The following DMD variants were observed in gnomAD, a reference collection of about 807,000 sequenced individuals.
DMD encodes dystrophin, also known as mutant dystrophin.
A neutral mutation model predicts 330.1 loss-of-function variants in DMD; 63 were observed. The observed-to-expected ratio is 0.19, with a 90% CI of 0.16 to 0.24. The LOEUF (loss-of-function observed/expected upper bound fraction) is 0.24. Ranked by LOEUF, DMD falls within the 10% of genes least tolerant of loss-of-function variation. DMD has a pLI of 1.00. For synonymous variants in DMD, 1,223 were observed against 959.8 expected, an observed-to-expected ratio of 1.27 and a Z score of -5.07; for missense variants, 3,344 against 2,684.1, an observed-to-expected ratio of 1.25 and a Z score of -5.43.
chrX:32,997,904 TC>T (rs1444444030), intron 2 of DMD, among the ~76,000 whole-genome samples: 1 of 112,269 alleles, frequency 8.9e-6, no homozygotes, highest in Non-Finnish European at 1.9e-5. Context: ...AGGGTCCTTT[TC>T]CCTTGTCTTG....
intron 1 of DMD, among the ~76,000 whole-genome samples, chrX:33,273,437 C>T (rs2053190943): frequency 8.9e-6 from 1 of 112,153 alleles, no homozygotes; most frequent in Non-Finnish European, 1.9e-5. Context: ...TACATATAAA[C>T]ATTTAGAAAA....
intron 2 of DMD, among the ~76,000 whole-genome samples, chrX:32,949,037 T>C (rs1414818184): frequency 2.7e-5 from 3 of 111,009 alleles, no homozygotes; most frequent in Non-Finnish European, 5.7e-5. Flanking sequence ...TGATGTTCTG[T>C]TTGCTCGTCA....
intron 74 of DMD, among the ~76,000 whole-genome samples, chrX:31,148,153 T>A (rs949140384): frequency 8.9e-6 from 1 of 111,847 alleles, no homozygotes; most frequent in Admixed American, 9.5e-5. Context: ...AGTGTTACCA[T>A]GAATGTATCA....
At chrX:31,679,256 G>T in intron 53 of DMD, 119 bp downstream of exon 53, 2 of 675,884 alleles carry the variant, frequency 3.0e-6, no homozygotes, top group Non-Finnish European at 4.5e-6. Context: ...GTTCATTTCA[G>T]CTTTAACGTG....
chrX:31,369,173 A>G (rs73617078), intron 60 of DMD, among the ~76,000 whole-genome samples: 3,643 of 112,410 alleles, frequency 0.032, 148 homozygotes, highest in African/African-American at 0.11. Context: ...CTTAGGTCCC[A>G]CTGCTGAGGC....
chrX:32,969,051 A>C (rs951721269), intron 2 of DMD, among the ~76,000 whole-genome samples: 12 of 96,546 alleles, frequency 1.2e-4, no homozygotes, highest in African/African-American at 4.7e-4. Flanking sequence ...AAAAAAAAAA[A>C]AAAAAGAACC....
chrX:31,169,241 T>C (rs1290723106), intron 74 of DMD, among the ~76,000 whole-genome samples: 2 of 110,604 alleles, frequency 1.8e-5, no homozygotes. Flanking sequence ...ATATGAGTTC[T>C]TCATCATACT....
At chrX:32,348,609 C>A in intron 37 of DMD, 81 bp from the exon 38 acceptor site, 2 of 890,910 alleles carry the variant, frequency 2.2e-6, no homozygotes, top group Admixed American at 2.8e-5. Flanking sequence ...ATTTATTCAA[C>A]CTCCTGTTGC....
At chrX:32,173,321 A>C (rs979668045) in intron 44 of DMD, among the ~76,000 whole-genome samples, 5 of 110,731 alleles carry the variant, frequency 4.5e-5, no homozygotes, top group Admixed American at 9.7e-5. Context: ...TAAAGCAATT[A>C]AGAAAATAAT....
At chrX:31,317,084 A>G (rs1280695505) in intron 62 of DMD, among the ~76,000 whole-genome samples, 2 of 112,256 alleles carry the variant, frequency 1.8e-5, no homozygotes, top group Non-Finnish European at 3.8e-5. Context: ...AACAATTTCT[A>G]TTTCGAAGTC....
chrX:31,224,008 C>T (rs756925178), intron 63 of DMD, among the ~76,000 whole-genome samples: 2 of 111,742 alleles, frequency 1.8e-5, no homozygotes, highest in South Asian at 3.8e-4. Flanking sequence ...CCCTGACTCA[C>T]GCCACCTAGC....
At chrX:31,672,319 AT>A (rs2081852501) in intron 53 of DMD, among the ~76,000 whole-genome samples, 1 of 112,265 alleles carries the variant, frequency 8.9e-6, no homozygotes, top group Non-Finnish European at 1.9e-5. Flanking sequence ...GACCTAGCAT[AT>A]GGCCTACCCT....
chrX:32,560,707 G>A (rs936848559), intron 16 of DMD, among the ~76,000 whole-genome samples: 21 of 111,226 alleles, frequency 1.9e-4, no homozygotes, highest in African/African-American at 6.5e-4. Context: ...TTCTGTTCCC[G>A]CATTAGTTTG....
chrX:32,405,824 T>A, intron 30 of DMD, among the ~76,000 whole-genome samples: 2 of 111,900 alleles, frequency 1.8e-5, no homozygotes, highest in East Asian at 2.8e-4. Context: ...TGGCATTGAA[T>A]CTATAAATTA....
chrX:31,281,060 T>A (rs2052574737), intron 62 of DMD, among the ~76,000 whole-genome samples: 1 of 111,866 alleles, frequency 8.9e-6, no homozygotes, highest in African/African-American at 3.2e-5. Flanking sequence ...GAGTTCACAG[T>A]AGTAATGAAT....
At chrX:32,707,684 A>G (rs1446343418) in intron 7 of DMD, among the ~76,000 whole-genome samples, 2 of 112,068 alleles carry the variant, frequency 1.8e-5, no homozygotes, top group African/African-American at 3.2e-5. Flanking sequence ...TTTTATTTGA[A>G]AAATACATCC....
rs1263398922 is a variant in DMD, at chrX:32,823,301, G to C, written c.351C>G (p.His117Gln). The C allele has an allele frequency of 8.3e-7, 1 of 1,201,517 alleles. No homozygotes were observed. The highest frequency in any genetic ancestry group is 1.1e-6 in the Non-Finnish European group (1 of 887,878). The stretch of plus-strand genomic sequence containing the variant: ...CATTCATCAGGATTCTTACCTGCCA[G>C]TGGAGGATTATATTCCAAATCAAAC... ...TLGLIWNIIL[H>Q]WQVKNVMKNI... Residue 117 changes from histidine to glutamine, a missense_variant, in exon 5 of 79, where the codon CAC becomes CAG. By Grantham distance (24) the His-to-Gln change is conservative. Coordinates refer to ENST00000357033, the MANE Select transcript of DMD (RefSeq NM_004006.3).
At chrX:31,243,421 A>C (rs747769493) in intron 63 of DMD, among the ~76,000 whole-genome samples, 11 of 112,270 alleles carry the variant, frequency 9.8e-5, no homozygotes, top group Non-Finnish European at 2.1e-4. Context: ...GTATTTATGT[A>C]ACCAGGAGGC....
chrX:31,723,002 G>A (rs142178216), intron 52 of DMD, among the ~76,000 whole-genome samples: 1,388 of 108,817 alleles, frequency 0.013, 5 homozygotes, highest in Non-Finnish European at 0.022. Context: ...AGCAAAGATG[G>A]CACCACTGCA....
Sources: gnomAD v4.1 joint callset for allele counts (sites outside exome capture counted in the v4.1 genomes callset) on GRCh38, gnomAD v4.1.1 for gene constraint, MANE v1.5 for transcripts, NCBI Gene and HGNC (gene_info 2026-07-23, HGNC 2026-07-21) for gene names.